PDE11A: variants seen among roughly 807,000 people sequenced by gnomAD.
The protein encoded by PDE11A is dual 3',5'-cyclic-AMP and -GMP phosphodiesterase 11A.
A neutral mutation model predicts 100.5 loss-of-function variants in PDE11A; 100 were observed. The observed-to-expected ratio is 1.00, with a 90% CI of 0.85 to 1.18. The LOEUF (loss-of-function observed/expected upper bound fraction) is 1.18, where lower values mean the gene tolerates loss of function less well. Ranked by LOEUF, PDE11A falls within the 50% of genes most tolerant of loss-of-function variation. The pLI is 0.00. For synonymous variants in PDE11A, 381 were observed against 420.8 expected (o/e 0.91, Z 1.16); for missense variants, 1,141 against 1,152.6 (o/e 0.99, Z 0.15).
intron 1 of PDE11A, among the ~76,000 whole-genome samples, chr2:178,034,178 C>CA (rs1030385478): frequency 9.5e-5 from 14 of 146,658 alleles, no homozygotes; most frequent in South Asian, 4.3e-4. Flanking sequence ...CACATAGGGT[C>CA]AAAAAAAAAG....
chr2:177,843,983 G>A (rs745363158), intron 5 of PDE11A, among the ~76,000 whole-genome samples: 22 of 152,212 alleles, frequency 1.4e-4, no homozygotes, highest in Middle Eastern at 3.4e-3. Flanking sequence ...GTGCAACAGT[G>A]CAAACAGATT....
intron 10 of PDE11A, among the ~76,000 whole-genome samples, chr2:177,756,896 G>A (rs1445710982): frequency 6.6e-6 from 1 of 152,198 alleles, no homozygotes; most frequent in African/African-American, 2.4e-5. Context: ...AGCAAGGTCT[G>A]TTGAAACCTG....
chr2:177,750,623 A>T (rs2082012663), intron 10 of PDE11A, among the ~76,000 whole-genome samples: 1 of 152,222 alleles, frequency 6.6e-6, no homozygotes, highest in African/African-American at 2.4e-5. Flanking sequence ...TATAGAAGCC[A>T]CCAGCTGATG....
chr2:177,951,788 T>A (rs995863585), intron 2 of PDE11A, among the ~76,000 whole-genome samples: 2 of 152,184 alleles, frequency 1.3e-5, no homozygotes, highest in East Asian at 3.8e-4. Context: ...GAGGAAGATA[T>A]TATCTTCATC....
chr2:177,714,261 G>A (rs2081403533), intron 12 of PDE11A, among the ~76,000 whole-genome samples: 1 of 152,006 alleles, frequency 6.6e-6, no homozygotes, highest in African/African-American at 2.4e-5. Flanking sequence ...CCAAAGTGCT[G>A]GGATTACAGG....
At chr2:178,012,987 T>G (rs1458348880) in intron 2 of PDE11A, among the ~76,000 whole-genome samples, 1 of 152,178 alleles carries the variant, frequency 6.6e-6, no homozygotes, top group Admixed American at 6.6e-5. Flanking sequence ...TGGAAATATC[T>G]TTATTGGAAT....
chr2:178,072,791 G>A (rs2087155953), upstream of PDE11A: 3 of 1,233,260 alleles, frequency 2.4e-6, no homozygotes, highest in African/African-American at 3.1e-5. Flanking sequence ...TGAGTGGACC[G>A]CTGTGACAGG....
In PDE11A at chr2:177,925,052, C is replaced by T. The variant is rs1420490534; in HGVS notation, c.1072-19865G>A. ...ATTTCATCCATGTCCCTACAAAGGA[C>T]ATGAACTCATCATTTTTTATGGCTG... On this transcript the variant is annotated intron_variant, in intron 2 of 19. Coordinates refer to ENST00000286063, the MANE Select transcript of PDE11A (RefSeq NM_016953.4). Among the ~76,000 whole-genome samples the T allele has an allele frequency of 4.6e-5, 7 of 150,664 alleles. No individual in the cohort carries two copies. The East Asian group carries it at 7.8e-4, about 17-fold the overall frequency.
chr2:177,688,591 C>T (rs1047020150), intron 15 of PDE11A, among the ~76,000 whole-genome samples: 6 of 152,166 alleles, frequency 3.9e-5, no homozygotes, highest in Non-Finnish European at 5.9e-5. Context: ...TAACTTCTCA[C>T]GCAGATCATG....
intron 4 of PDE11A, among the ~76,000 whole-genome samples, chr2:177,878,345 G>A (rs923254183): frequency 3.3e-5 from 5 of 151,956 alleles, no homozygotes; most frequent in African/African-American, 7.3e-5. Context: ...CCTTAAATCC[G>A]GTGGGCTTCT....
At chr2:177,707,347 C>A (rs2081295037) in intron 13 of PDE11A, among the ~76,000 whole-genome samples, 2 of 152,152 alleles carry the variant, frequency 1.3e-5, no homozygotes, top group African/African-American at 4.8e-5. Flanking sequence ...AAGTGGAGTA[C>A]AACCAGCTTC....
At chr2:178,082,786 G>T (rs1437438839) in intron 2 of PDE11A, among the ~76,000 whole-genome samples, 1 of 152,148 alleles carries the variant, frequency 6.6e-6, no homozygotes, top group Non-Finnish European at 1.5e-5. Context: ...GTGCATTCTG[G>T]GTGGACTGGC....
At chr2:177,986,690 G>T (rs1442692144) in intron 2 of PDE11A, among the ~76,000 whole-genome samples, 2 of 152,010 alleles carry the variant, frequency 1.3e-5, no homozygotes, top group East Asian at 3.9e-4. Context: ...AATTAGCTGG[G>T]CGTGGTGGCG....
At chr2:178,091,700 C>T (rs1164407642) in intron 2 of PDE11A, among the ~76,000 whole-genome samples, 2 of 152,270 alleles carry the variant, frequency 1.3e-5, no homozygotes, top group African/African-American at 2.4e-5. Flanking sequence ...TCACACTACA[C>T]AAAGCCACTG....
Position 177,765,798 on chromosome 2 carries a change from T to C in PDE11A, c.1788+3525A>G, listed in dbSNP as rs755674869. Reference sequence around the variant, plus strand: ...ATCTAGACACTGAGGTCCATGGCCTTAACTTTCATGAGGAAGAGTTCTTGA... The same window carrying C: ...ATCTAGACACTGAGGTCCATGGCCTCAACTTTCATGAGGAAGAGTTCTTGA... On this transcript the variant is annotated intron_variant, in intron 10 of 19. Transcript: ENST00000286063. 2.5e-4 allele frequency among the ~76,000 whole-genome samples: 38 copies of C among 152,236 alleles called. 2 individuals carry two copies. The highest frequency in any genetic ancestry group is 3.5e-4 in the Non-Finnish European group (24 of 68,052).
intron 15 of PDE11A, among the ~76,000 whole-genome samples, chr2:177,695,833 A>G (rs2081103897): frequency 6.6e-6 from 1 of 152,176 alleles, no homozygotes; most frequent in African/African-American, 2.4e-5. Context: ...ATTGAACCTA[A>G]TTCTAACTGA....
chr2:177,851,384 G>A (rs374760402), intron 5 of PDE11A, among the ~76,000 whole-genome samples: 3 of 151,894 alleles, frequency 2.0e-5, no homozygotes, highest in African/African-American at 4.8e-5. Context: ...CAGGCCTGTC[G>A]TGGGGTGGGG....
intron 14 of PDE11A, chr2:177,698,627 G>A (rs2081153108): frequency 6.6e-6 from 1 of 152,022 alleles, no homozygotes; most frequent in Admixed American, 6.6e-5. Context: ...CGTCTTACCA[G>A]GCACCAGATG....
intron 3 of PDE11A, 51 bp downstream of exon 3, chr2:177,905,046 GA>G (rs1184463045): frequency 2.1e-6 from 2 of 955,480 alleles, no homozygotes; most frequent in African/African-American, 3.2e-5. Flanking sequence ...ATGACTTACA[GA>G]AACCAGAAAG....
Sources: gnomAD v4.1 joint callset for allele counts (sites outside exome capture counted in the v4.1 genomes callset) on GRCh38, gnomAD v4.1.1 for gene constraint, MANE v1.5 for transcripts, NCBI Gene and HGNC (gene_info 2026-07-23, HGNC 2026-07-21) for gene names.